Variants in MRTFA observed in about 807,000 individuals in gnomAD.
The protein encoded by MRTFA is myocardin related transcription factor A, also known as myocardin-related transcription factor A.
MRTFA carries 20 observed loss-of-function variants against 83.5 expected under a neutral mutation model. The ratio of observed to expected loss-of-function variants is 0.24; its 90% CI spans 0.17 to 0.35. MRTFA has a LOEUF of 0.35. Among genes scored for constraint, MRTFA ranks in the 10% least tolerant of loss-of-function variants. The pLI, the probability that MRTFA is intolerant of heterozygous loss-of-function variation, is 1.00. For missense variants in MRTFA, 1,200 were observed against 1,224.7 expected (o/e 0.98, Z 0.30); for synonymous variants, 659 against 541.2 (o/e 1.22, Z -3.02).
intron 14 of MRTFA, among the ~76,000 whole-genome samples, chr22:40,415,987 G>A (rs1204414575): frequency 6.6e-6 from 1 of 151,936 alleles, no homozygotes; most frequent in Non-Finnish European, 1.5e-5. Context: ...TGCCAATCTA[G>A]ATGTGACAAC....
At chr22:40,593,827 G>C (rs1394678368) in intron 2 of MRTFA, among the ~76,000 whole-genome samples, 1 of 152,174 alleles carries the variant, frequency 6.6e-6, no homozygotes, top group Non-Finnish European at 1.5e-5. Flanking sequence ...CAGGATTCCT[G>C]GTTGGGGAGT....
rs534103122 is a variant in MRTFA at position 40,578,758 on chromosome 22, A to C, written c.-22+15916T>G. ...AACATGGTGAAACACCAGCTCTACCAAAAAAAATGCAAAAATTAGCTAGGT... is the reference window on the plus strand; with the variant it reads ...AACATGGTGAAACACCAGCTCTACCCAAAAAAATGCAAAAATTAGCTAGGT... On this transcript the variant is annotated intron_variant, in intron 2 of 14. Coordinates refer to ENST00000355630, the MANE Select transcript of MRTFA (RefSeq NM_020831.6). 3.3e-5 allele frequency among the ~76,000 whole-genome samples: 5 copies of C among 151,850 alleles called. No individual in the cohort carries two copies. The South Asian group carries it at 1.0e-3, about 32-fold the overall frequency.
intron 9 of MRTFA, 26 bp from the exon 10 acceptor site, chr22:40,421,126 A>T: frequency 8.6e-6 from 13 of 1,506,206 alleles, no homozygotes; most frequent in African/African-American, 1.4e-5. Flanking sequence ...ACAGGGTGCC[A>T]TTCAGGGGCA....
chr22:40,557,946 G>A (rs915698430), intron 2 of MRTFA, among the ~76,000 whole-genome samples: 5 of 152,072 alleles, frequency 3.3e-5, no homozygotes, highest in South Asian at 2.1e-4. Context: ...GCTAATTTTT[G>A]TATTTTTAGT....
At chr22:40,484,494 T>C (rs932167939) in intron 3 of MRTFA, among the ~76,000 whole-genome samples, 1 of 152,146 alleles carries the variant, frequency 6.6e-6, no homozygotes, top group Admixed American at 6.5e-5. Flanking sequence ...GTAAAGACTT[T>C]TCAAAAGCAA....
At chr22:40,505,199 G>A (rs1338062811) in intron 3 of MRTFA, among the ~76,000 whole-genome samples, 1 of 152,172 alleles carries the variant, frequency 6.6e-6, no homozygotes, top group African/African-American at 2.4e-5. Context: ...GAAATGGAAA[G>A]ACCTCAAACT....
At chr22:40,470,520 G>C (rs2053891501) in intron 3 of MRTFA, among the ~76,000 whole-genome samples, 1 of 151,332 alleles carries the variant, frequency 6.6e-6, no homozygotes, top group Non-Finnish European at 1.5e-5. Flanking sequence ...TGAAATACAT[G>C]CGGTAAGCCT....
intron 3 of MRTFA, among the ~76,000 whole-genome samples, chr22:40,518,424 G>C (rs1447248489): frequency 8.4e-6 from 1 of 118,550 alleles, no homozygotes; most frequent in African/African-American, 3.0e-5. Flanking sequence ...TTGTTGGTGA[G>C]GGAAAAAAAA....
chr22:40,445,214 T>C (rs550551286), intron 4 of MRTFA, among the ~76,000 whole-genome samples: 9 of 152,182 alleles, frequency 5.9e-5, no homozygotes, highest in Non-Finnish European at 1.2e-4. Context: ...GAACAAATAA[T>C]GAACAGCTTT....
chr22:40,511,934 A>G (rs138614988), intron 3 of MRTFA, among the ~76,000 whole-genome samples: 304 of 152,296 alleles, frequency 2.0e-3, no homozygotes, highest in African/African-American at 6.4e-3. Flanking sequence ...GCACTATCCA[A>G]TACTTTTCCA....
rs763099736 is a variant in MRTFA at position 40,411,389 on chromosome 22, G to T, written c.*1C>A. ...TCCCCACCCCGTCTTGAGCCAGAGA[G>T]CTACAAGCAGGAATCCCAGTGCAGC... On this transcript the variant is annotated 3_prime_UTR_variant, in exon 15 of 15. Coordinates refer to ENST00000355630, the MANE Select transcript of MRTFA (RefSeq NM_020831.6). The T allele has an allele frequency of 6.4e-7, 1 of 1,550,832 alleles. No individual in the cohort carries two copies. Among genetic ancestry groups the T allele is most frequent in the Non-Finnish European group, 8.8e-7 (1 of 1,140,516 alleles).
intron 5 of MRTFA, 150 bp downstream of exon 5, chr22:40,435,349 T>G (rs1259147726): frequency 2.6e-6 from 2 of 773,922 alleles, no homozygotes; most frequent in African/African-American, 3.5e-5. Context: ...AGCTTTCCAT[T>G]TAAAACCACA....
intron 4 of MRTFA, among the ~76,000 whole-genome samples, chr22:40,455,323 T>A (rs1224890839): frequency 6.6e-6 from 1 of 152,200 alleles, no homozygotes; most frequent in Non-Finnish European, 1.5e-5. Context: ...GTCTAGCACC[T>A]AGTTCTTTTG....
chr22:40,435,913 C>A (rs1230901229), intron 4 of MRTFA, among the ~76,000 whole-genome samples: 2 of 140,314 alleles, frequency 1.4e-5, no homozygotes, highest in Admixed American at 1.5e-4. Context: ...CTAGCCTGGG[C>A]AACAGAGCGA....
chr22:40,489,322 T>C (rs1193034320), intron 3 of MRTFA, among the ~76,000 whole-genome samples: 1 of 151,966 alleles, frequency 6.6e-6, no homozygotes, highest in African/African-American at 2.4e-5. Flanking sequence ...AAAAATAATG[T>C]GTATCTGTAG....
At position 40,483,372 on chromosome 22, in the gene MRTFA, A is replaced by ATTT. The variant is rs550051844; in HGVS notation, c.242-20089_242-20087dup. Among the ~76,000 whole-genome samples the ATTT allele has an allele frequency of 2.6e-3, 360 of 139,520 alleles. 1 individual carries two copies. The highest frequency in any genetic ancestry group is 9.1e-3 in the African/African-American group (343 of 37,718). The allele number at this position is 139,520 out of a possible 152,430, so 91.5% of individuals were successfully genotyped here. On this transcript the variant is annotated intron_variant, in intron 3 of 14. Coordinates refer to ENST00000355630, the MANE Select transcript of MRTFA (RefSeq NM_020831.6). ...GAGCTACTATGACAGACCTAAAGTAATTTTTTTTTTTTTTTTTTAAGATAG... is the reference window on the plus strand; with the variant it reads ...GAGCTACTATGACAGACCTAAAGTAATTTTTTTTTTTTTTTTTTTTTAAGATAG...
intron 4 of MRTFA, among the ~76,000 whole-genome samples, chr22:40,455,019 C>T (rs1569274300): frequency 6.6e-6 from 1 of 152,120 alleles, no homozygotes; most frequent in Non-Finnish European, 1.5e-5. Context: ...CAGCTGGTTT[C>T]AAACTCCTGG....
At chr22:40,533,121 G>A (rs1395661096) in intron 3 of MRTFA, among the ~76,000 whole-genome samples, 3 of 152,032 alleles carry the variant, frequency 2.0e-5, no homozygotes, top group Non-Finnish European at 4.4e-5. Context: ...GTTATTAAGG[G>A]CATTTCCACA....
intron 2 of MRTFA, among the ~76,000 whole-genome samples, chr22:40,558,794 T>G (rs1602427491): frequency 7.4e-6 from 1 of 135,818 alleles, no homozygotes; most frequent in Non-Finnish European, 1.6e-5. Context: ...GGGGGTTTTT[T>G]GGGTTTTTTT....
Sources: allele counts gnomAD v4.1 joint callset (sites outside exome capture counted in the v4.1 genomes callset), GRCh38; gene constraint gnomAD v4.1.1; transcripts MANE v1.5; gene names NCBI Gene and HGNC (gene_info 2026-07-23, HGNC 2026-07-21).